The following OCA2 variants were observed in gnomAD, a reference collection of about 807,000 sequenced individuals.
OCA2 encodes P protein.
Under a neutral mutation model 100.2 loss-of-function variants are expected in OCA2, and 77 were observed. The ratio of observed to expected loss-of-function variants is 0.77; its 90% CI spans 0.64 to 0.93. The LOEUF (loss-of-function observed/expected upper bound fraction) is 0.93, where lower values mean the gene tolerates loss of function less well. Ranked by LOEUF, OCA2 falls within the 40% of genes least tolerant of loss-of-function variation. The pLI is 0.00. For synonymous variants in OCA2, 432 were observed against 439.2 expected (o/e 0.98, Z 0.21); for missense variants, 1,062 against 1,089.1 (o/e 0.98, Z 0.35).
intron 19 of OCA2, among the ~76,000 whole-genome samples, chr15:27,872,639 T>A (rs1424812064): frequency 6.6e-6 from 1 of 152,186 alleles, no homozygotes; most frequent in Non-Finnish European, 1.5e-5. Flanking sequence ...GCTGAAAGAC[T>A]GCAAATATTG....
chr15:27,989,551 C>A, intron 11 of OCA2, 50 bp downstream of exon 11: 1 of 1,514,634 alleles, frequency 6.6e-7, no homozygotes, highest in Non-Finnish European at 9.2e-7. Flanking sequence ...CAGAGAAGGC[C>A]CGGTTACCGC....
At chr15:27,968,177 C>A (rs1218325540) in intron 14 of OCA2, among the ~76,000 whole-genome samples, 1 of 151,940 alleles carries the variant, frequency 6.6e-6, no homozygotes, top group Non-Finnish European at 1.5e-5. Flanking sequence ...GCTTTTACAC[C>A]TTCAGCACAT....
rs2042115679 is a variant in OCA2 at position 28,007,271 on chromosome 15, C to A, written c.1044+7505G>T. On this transcript the variant is annotated intron_variant, in intron 9 of 23. Coordinates refer to ENST00000354638, the MANE Select transcript of OCA2 (RefSeq NM_000275.3). ...ATTGTTCATTAAGACTGTGTCAGAACTATTTTAATTTTATACAGTATAAGG... is the reference window on the plus strand; with the variant it reads ...ATTGTTCATTAAGACTGTGTCAGAAATATTTTAATTTTATACAGTATAAGG... Among the ~76,000 whole-genome samples, 3 of 152,302 alleles carry A rather than the reference C, an allele frequency of 2.0e-5. No individual in the cohort carries two copies. The South Asian group carries it at 6.2e-4, about 32-fold the overall frequency.
chr15:28,007,196 G>A (rs575431695), intron 9 of OCA2, among the ~76,000 whole-genome samples: 35 of 152,324 alleles, frequency 2.3e-4, no homozygotes, highest in African/African-American at 8.2e-4. Flanking sequence ...ACCAGGGGTT[G>A]GATGGAAGAC....
intron 7 of OCA2, among the ~76,000 whole-genome samples, chr15:28,017,814 G>C (rs976394427): frequency 1.3e-5 from 2 of 151,978 alleles, no homozygotes; most frequent in Admixed American, 6.6e-5. Flanking sequence ...TGGAGTCTCC[G>C]AGGCCAGGGC....
intron 23 of OCA2, among the ~76,000 whole-genome samples, chr15:27,771,811 C>T (rs2031890821): frequency 6.6e-6 from 1 of 152,140 alleles, no homozygotes; most frequent in Admixed American, 6.5e-5. Flanking sequence ...TTTCTTGACG[C>T]TAAAACTCTA....
intron 2 of OCA2, among the ~76,000 whole-genome samples, chr15:28,060,629 C>T (rs915847714): frequency 6.6e-6 from 1 of 152,180 alleles, no homozygotes; most frequent in South Asian, 2.1e-4. Flanking sequence ...ATTTTCAGAA[C>T]TTTGGAAGTT....
At chr15:27,752,255 G>T (rs748247188), downstream of OCA2, among the ~76,000 whole-genome samples, 1 of 152,210 alleles carries the variant, frequency 6.6e-6, no homozygotes, top group Non-Finnish European at 1.5e-5. Flanking sequence ...CTTTATGCAC[G>T]TGATGTCGGG....
At chr15:27,892,080 G>T (rs930936213) in intron 19 of OCA2, among the ~76,000 whole-genome samples, 3 of 152,116 alleles carry the variant, frequency 2.0e-5, no homozygotes, top group Non-Finnish European at 4.4e-5. Flanking sequence ...GTGAAAAACT[G>T]CTAGAGCTGA....
At chr15:28,084,705 T>G (rs1236129904) in intron 1 of OCA2, among the ~76,000 whole-genome samples, 2 of 152,188 alleles carry the variant, frequency 1.3e-5, no homozygotes, top group Non-Finnish European at 2.9e-5. Context: ...CATGTCCTCG[T>G]GGCTGCATGA....
the OCA2 span, among the ~76,000 whole-genome samples, chr15:27,745,079 A>G: frequency 6.6e-5 from 10 of 152,174 alleles, no homozygotes; most frequent in Non-Finnish European, 1.5e-4. Context: ...CCCGACCCCC[A>G]GAGAGGGTTC....
intron 2 of OCA2, among the ~76,000 whole-genome samples, chr15:28,052,438 C>T (rs2043546443): frequency 6.6e-6 from 1 of 152,238 alleles, no homozygotes; most frequent in Non-Finnish European, 1.5e-5. Flanking sequence ...GCTGAGAGGC[C>T]GTTCATGACC....
In OCA2 at chr15:28,086,860, G is replaced by A. The variant is rs558789714; in HGVS notation, c.-21-4965C>T. ...GAAAAGAATCAATAAGTGGAAGATA[G>A]AACAATAGAAATTACTCAACCTGAA... On this transcript the variant is annotated intron_variant, in intron 1 of 23. Coordinates refer to ENST00000354638, the MANE Select transcript of OCA2 (RefSeq NM_000275.3). Among the ~76,000 whole-genome samples the A allele has an allele frequency of 3.3e-5, 5 of 152,198 alleles. No homozygotes were observed. The South Asian group carries it at 1.0e-3, about 32-fold the overall frequency.
chr15:27,994,918 T>C (rs2141051888), intron 9 of OCA2, among the ~76,000 whole-genome samples: 1 of 152,234 alleles, frequency 6.6e-6, no homozygotes, highest in Admixed American at 6.5e-5. Flanking sequence ...CTTCTTTTGG[T>C]TACCATTTGC....
chr15:27,914,526 A>G (rs986453089), intron 19 of OCA2, among the ~76,000 whole-genome samples: 9 of 152,194 alleles, frequency 5.9e-5, no homozygotes, highest in Admixed American at 1.3e-4. Flanking sequence ...TCAGGATACA[A>G]AATCAATGGC....
chr15:28,078,900 C>G (rs188655543), intron 2 of OCA2, among the ~76,000 whole-genome samples: 8 of 152,266 alleles, frequency 5.3e-5, no homozygotes, highest in Admixed American at 4.6e-4. Context: ...TAAGAAAATA[C>G]CGAGTAACCA....
chr15:27,889,911 G>A (rs2037385680), intron 19 of OCA2, among the ~76,000 whole-genome samples: 1 of 152,326 alleles, frequency 6.6e-6, no homozygotes, highest in South Asian at 2.1e-4. Context: ...GATCTCTGGA[G>A]CTTCAGTTTC....
At chr15:27,726,361 G>C in the OCA2 span, among the ~76,000 whole-genome samples, 1 of 151,912 alleles carries the variant, frequency 6.6e-6, no homozygotes, top group Non-Finnish European at 1.5e-5. Context: ...TAGACTTTAT[G>C]GGCCCAATGC....
intron 9 of OCA2, among the ~76,000 whole-genome samples, chr15:27,991,039 A>G (rs1043485933): frequency 6.6e-6 from 1 of 152,258 alleles, no homozygotes; most frequent in African/African-American, 2.4e-5. Flanking sequence ...AACCAAAGGT[A>G]CACAGTCCAA....
Sources: allele counts gnomAD v4.1 joint callset (sites outside exome capture counted in the v4.1 genomes callset), GRCh38; gene constraint gnomAD v4.1.1; transcripts MANE v1.5; gene names NCBI Gene and HGNC (gene_info 2026-07-23, HGNC 2026-07-21).